Variants in LSG1 observed in about 807,000 individuals in gnomAD.
The protein encoded by LSG1 is large subunit GTPase 1 homolog.
In LSG1, 55 loss-of-function variants were observed where a neutral mutation model predicts 82.6. The ratio of observed to expected loss-of-function variants is 0.67; its 90% CI spans 0.54 to 0.83. The LOEUF is 0.83. Among genes scored for constraint, LSG1 ranks in the 40% least tolerant of loss-of-function variants. The pLI, the probability that LSG1 is intolerant of heterozygous loss-of-function variation, is 0.00. For missense variants in LSG1, 809 were observed against 807.9 expected, an observed-to-expected ratio of 1.00 and a Z score of -0.02; for synonymous variants, 272 against 282.5, an observed-to-expected ratio of 0.96 and a Z score of 0.37.
At position 194,644,638 on chromosome 3, in the gene LSG1, G is replaced by A; in HGVS notation, c.1732C>T (p.Gln578Ter). The change falls in exon 13 of 14, where the codon CAG (glutamine) becomes TAG (stop). Residue 578 changes from glutamine (Q) to a stop codon, truncating the protein, a stop_gained. Transcript: ENST00000265245. LOFTEE classifies it high-confidence loss of function. ...TTTGCTTTTTTATTTCTGCCTAGCT[G>A]CATTTTTATTTCATCACTGTTCATT... is the stretch of plus-strand genomic sequence containing the variant. ...NKMNSDEIKM[Q>*]LGRNKKAKQI... is the part of the protein sequence containing the mutation. 3.7e-6 allele frequency: 6 copies of A among 1,613,090 alleles called. No homozygotes were observed. The highest frequency in any genetic ancestry group is 1.3e-5 in the African/African-American group (1 of 75,008).
chr3:194,669,205 C>T (rs1719091682), intron 2 of LSG1, among the ~76,000 whole-genome samples: 1 of 152,084 alleles, frequency 6.6e-6, no homozygotes, highest in African/African-American at 2.4e-5. Context: ...GTTCTCACCG[C>T]ACACACAAAA....
At chr3:194,645,537 C>CACACACACACACACACACACAGACAG in intron 12 of LSG1, 1 of 27,278 alleles carries the variant, frequency 3.7e-5, no homozygotes, top group East Asian at 1.1e-3. Flanking sequence ...CACAGACAGA[C>CACACACACACACACACACACAGACAG]ACACACACAC....
intron 2 of LSG1, among the ~76,000 whole-genome samples, chr3:194,668,835 C>T (rs914615726): frequency 5.9e-5 from 9 of 152,074 alleles, no homozygotes; most frequent in Non-Finnish European, 1.0e-4. Flanking sequence ...ATAAAGAAAA[C>T]GTGGTATATG....
At chr3:194,649,796 C>A (rs1007438716) in intron 10 of LSG1, among the ~76,000 whole-genome samples, 1 of 152,006 alleles carries the variant, frequency 6.6e-6, no homozygotes, top group Non-Finnish European at 1.5e-5. Context: ...TACAAGCCAG[C>A]GGATTAGTGT....
intron 12 of LSG1, among the ~76,000 whole-genome samples, chr3:194,645,667 G>A (rs989844236): frequency 2.6e-5 from 4 of 151,148 alleles, no homozygotes; most frequent in East Asian, 1.9e-4. Context: ...GATAGGCCCT[G>A]TTCATCTCCA....
intron 2 of LSG1, 36 bp downstream of exon 2, chr3:194,669,973 G>C: frequency 1.3e-6 from 2 of 1,585,382 alleles, no homozygotes; most frequent in Non-Finnish European, 8.6e-7. Context: ...ATGGAAATGT[G>C]ACAGTCTCAC....
At position 194,658,959 on chromosome 3, in the gene LSG1, C is replaced by G; in HGVS notation, c.757G>C (p.Glu253Gln). ...ACCTAAAATGTCCCTCAGGTTACCTCAGAGTCACCATTCAGGGGAATGGCT... is the reference window on the plus strand; with the variant it reads ...ACCTAAAATGTCCCTCAGGTTACCTGAGAGTCACCATTCAGGGGAATGGCT... ...AGAIPLNGDS[E>Q]EEANRDDRQS... Residue 253 changes from glutamate to glutamine, a missense_variant and splice_region_variant, in exon 7 of 14, where the codon GAG becomes CAG. Glu to Gln is a conservative substitution (Grantham distance 29, BLOSUM62 2). Coordinates refer to ENST00000265245, the MANE Select transcript of LSG1 (RefSeq NM_018385.3). The G allele has an allele frequency of 2.5e-6, 4 of 1,612,352 alleles. No individual in the cohort carries two copies. The highest frequency in any genetic ancestry group is 3.4e-6 in the Non-Finnish European group (4 of 1,178,846).
In LSG1 at chr3:194,641,297, A is replaced by C. The variant is rs1718372950; in HGVS notation, c.*771T>G. Reference sequence around the variant, plus strand: ...AATTTTAGGACATTTTTATCACTGCAAAAGAAAGACCTCAATCTTCCCATT... The same window carrying C: ...AATTTTAGGACATTTTTATCACTGCCAAAGAAAGACCTCAATCTTCCCATT... On this transcript the variant is annotated 3_prime_UTR_variant, in exon 14 of 14. Transcript: ENST00000265245. 2.0e-5 allele frequency: 3 copies of C among 152,346 alleles called. No individual in the cohort carries two copies. In the South Asian group the frequency reaches 6.2e-4, roughly 32 times the overall value. 9.4% of individuals were successfully genotyped at this position (152,346 alleles called of 1,614,324 possible).
At chr3:194,654,704 A>G (rs1718758251) in intron 7 of LSG1, among the ~76,000 whole-genome samples, 1 of 152,178 alleles carries the variant, frequency 6.6e-6, no homozygotes, top group Non-Finnish European at 1.5e-5. Context: ...GTAGTAGAAA[A>G]ACTACAGCGG....
chr3:194,654,860 T>A (rs919478046), intron 7 of LSG1, among the ~76,000 whole-genome samples: 1 of 152,202 alleles, frequency 6.6e-6, no homozygotes, highest in Non-Finnish European at 1.5e-5. Flanking sequence ...CCAGAGATAC[T>A]CAACTCAGAA....
chr3:194,667,494 T>C (rs191130741), intron 2 of LSG1, among the ~76,000 whole-genome samples: 410 of 152,316 alleles, frequency 2.7e-3, no homozygotes, highest in Non-Finnish European at 4.6e-3. Flanking sequence ...TTCCCTGCCA[T>C]AGTCAGCTAT....
In LSG1 at chr3:194,645,565, CACACAGACAG is replaced by C. The variant is rs1260558442; in HGVS notation, c.1623+589_1623+598del. The stretch of plus-strand genomic sequence containing the variant: ...ACACACACACACACACACACACACA[CACACAGACAG>C]ACACACACACACACACACACACACA... On this transcript the variant is annotated intron_variant, in intron 12 of 13. Coordinates refer to ENST00000265245, the MANE Select transcript of LSG1 (RefSeq NM_018385.3). Among the ~76,000 whole-genome samples the C allele has an allele frequency of 3.2e-3, 204 of 62,886 alleles. 21 individuals are homozygous for C. Among genetic ancestry groups the C allele is most frequent in the African/African-American group, 0.01 (174 of 17,312 alleles). 41.3% of individuals were successfully genotyped at this position (62,886 alleles called of 152,430 possible). A position where few individuals can be genotyped will look rare whatever the true frequency, so the allele number is the denominator to read the frequency against.
chr3:194,669,729 C>A (rs908740921), intron 2 of LSG1, among the ~76,000 whole-genome samples: 1 of 152,126 alleles, frequency 6.6e-6, no homozygotes, highest in Non-Finnish European at 1.5e-5. Flanking sequence ...GTCAGGAGAT[C>A]AAGAACATCC....
chr3:194,659,408 G>A (rs1469762611), intron 6 of LSG1, among the ~76,000 whole-genome samples: 4 of 152,100 alleles, frequency 2.6e-5, no homozygotes, highest in African/African-American at 7.2e-5. Context: ...TTTGGGAGGC[G>A]GAGGAGGGAG....
chr3:194,666,495 T>C lies in LSG1; in HGVS notation c.304A>G (p.Lys102Glu). Residue 102 changes from lysine (K) to glutamate (E), a missense_variant, in exon 3 of 14, where the codon AAG becomes GAG. Transcript: ENST00000265245. ...LSFEESQRIK[K>E]LHEENKQFLC... Reference sequence around the variant, plus strand: ...AACTGTTTGTTTTCTTCATGGAGCTTCTTAATTCTCTGGCTCTCCTCGAAA... The same window carrying C: ...AACTGTTTGTTTTCTTCATGGAGCTCCTTAATTCTCTGGCTCTCCTCGAAA... The C allele has an allele frequency of 6.2e-7, 1 of 1,614,122 alleles. No individual in the cohort carries two copies. The highest frequency in any genetic ancestry group is 1.1e-5 in the South Asian group (1 of 91,084).
At position 194,649,919 on chromosome 3, in the gene LSG1, T is replaced by C. The variant is rs147012215; in HGVS notation, c.1419+962A>G. ...CAGACCTTGCAGTTTTTTTTTTCTT[T>C]CATTTTCTTTTTTCTTAAAGGCAAG... On this transcript the variant is annotated intron_variant, in intron 10 of 13. Transcript: ENST00000265245. Among the ~76,000 whole-genome samples, 26 of 151,826 alleles carry C rather than the reference T, an allele frequency of 1.7e-4. No individual in the cohort carries two copies. In the East Asian group the frequency reaches 4.8e-3, roughly 28 times the overall value.
At position 194,653,155 on chromosome 3, in the gene LSG1, T is replaced by A; in HGVS notation, c.760-13A>T. The A allele has an allele frequency of 6.2e-7, 1 of 1,608,600 alleles. No individual in the cohort carries two copies. The highest frequency in any genetic ancestry group is 1.1e-5 in the South Asian group (1 of 90,258). ...TGTTTGCCTCTTCCTGACAAAATAA[T>A]AGAAACGCTCAGAAGTATATAACTG... On this transcript the variant is annotated splice_polypyrimidine_tract_variant and intron_variant, in intron 7 of 13. Coordinates refer to ENST00000265245, the MANE Select transcript of LSG1 (RefSeq NM_018385.3).
chr3:194,671,911 G>A (rs1560231386), intron 1 of LSG1, 153 bp downstream of exon 1: 2 of 701,884 alleles, frequency 2.8e-6, no homozygotes, highest in South Asian at 3.1e-5. Flanking sequence ...GCCAGGAGGA[G>A]GGCCTGCTAC....
chr3:194,665,436 C>A, intron 5 of LSG1, 121 bp downstream of exon 5: 1 of 585,494 alleles, frequency 1.7e-6, no homozygotes, highest in Non-Finnish European at 3.0e-6. Context: ...TTTTATAATT[C>A]TCAGTAACCC....
Sources: gnomAD v4.1 joint callset for allele counts (sites outside exome capture counted in the v4.1 genomes callset) on GRCh38, gnomAD v4.1.1 for gene constraint, MANE v1.5 for transcripts, NCBI Gene and HGNC (gene_info 2026-07-23, HGNC 2026-07-21) for gene names.